The following MSL3 variants were observed in gnomAD, a reference collection of about 807,000 sequenced individuals.
MSL3 encodes the protein MSL complex subunit 3.
In MSL3, 5 loss-of-function variants were observed where a neutral mutation model predicts 37.2. The observed-to-expected ratio is 0.13, with a 90% CI of 0.07 to 0.28. MSL3 has a LOEUF of 0.28. Ranked by LOEUF, MSL3 falls within the 10% of genes least tolerant of loss-of-function variation. The pLI is 1.00. For missense variants in MSL3, 315 were observed against 408.5 expected, an observed-to-expected ratio of 0.77 and a Z score of 1.97; for synonymous variants, 149 against 147.6, an observed-to-expected ratio of 1.01 and a Z score of -0.07.
intron 4 of MSL3, 24 bp downstream of exon 4, chrX:11,760,961 T>A: frequency 1.1e-5 from 12 of 1,093,959 alleles, no homozygotes; most frequent in Non-Finnish European, 1.4e-5. Flanking sequence ...CTTCATTTCT[T>A]TTGGCTGAAA....
chrX:11,766,093 A>C, intron 9 of MSL3: 1 of 905,303 alleles, frequency 1.1e-6, no homozygotes, highest in Non-Finnish European at 1.4e-6. Flanking sequence ...TTTTCTTTGT[A>C]CTCTGTCTCT....
At chrX:11,768,776 T>C (rs996221980) in intron 10 of MSL3, 94 bp downstream of exon 10, 2 of 578,396 alleles carry the variant, frequency 3.5e-6, no homozygotes, top group Non-Finnish European at 5.9e-6. Flanking sequence ...AGCATCATGT[T>C]GCTGCTATTA....
intron 9 of MSL3, chrX:11,766,656 C>T (rs1235928138): frequency 1.1e-5 from 8 of 753,114 alleles, no homozygotes; most frequent in African/African-American, 2.3e-5. Context: ...TGGTGCCTCG[C>T]GGGCTCAGTG....
intron 1 of MSL3, 34 bp downstream of exon 1, chrX:11,758,399 G>T (rs766981841): frequency 8.7e-6 from 9 of 1,029,620 alleles, no homozygotes; most frequent in Non-Finnish European, 1.0e-5. Context: ...GGAGGCGCGG[G>T]CTGGGGGACC....
At chrX:11,760,576 G>A (rs1333605991) in intron 3 of MSL3, 78 bp downstream of exon 3, 3 of 652,269 alleles carry the variant, frequency 4.6e-6, no homozygotes, top group African/African-American at 2.3e-5. Flanking sequence ...TGATATAAAA[G>A]TAATACAATG....
intron 9 of MSL3, 125 bp from the exon 10 acceptor site, chrX:11,768,446 GTC>G: frequency 2.2e-6 from 1 of 458,455 alleles, no homozygotes; most frequent in Admixed American, 4.0e-5. Flanking sequence ...TGTTAGGAAA[GTC>G]TTATCGTTAA....
At chrX:11,765,355 G>A (rs1367233324) in intron 8 of MSL3, 112 bp from the exon 9 acceptor site, 4 of 930,542 alleles carry the variant, frequency 4.3e-6, no homozygotes, top group Middle Eastern at 4.1e-4. Flanking sequence ...AAGTGACTTC[G>A]GTACATATTT....
chrX:11,762,952 T>C lies in MSL3; in HGVS notation c.704T>C (p.Met235Thr), dbSNP rs1275386357. ...GAGAGGCCTCGTCACCATCACGTTA[T>C]GCCACATGCCAACATGAACGTGCAT... Reference protein sequence around the residue: ...ANERPRHHHVMPHANMNVHYI... With the variant: ...ANERPRHHHVTPHANMNVHYI... The change falls in exon 7 of 13, where the codon ATG (methionine) becomes ACG (threonine). Residue 235 changes from methionine (M) to threonine (T), a missense_variant. Transcript: ENST00000312196. 5.8e-6 allele frequency: 7 copies of C among 1,208,134 alleles called. No homozygotes were observed. The highest frequency in any genetic ancestry group is 6.7e-6 in the Non-Finnish European group (6 of 894,522).
Position 11,760,765 on chromosome X carries a change from A to T in MSL3, c.282-72A>T, listed in dbSNP as rs756564561. 1.1e-4 allele frequency: 88 copies of T among 819,679 alleles called. 1 individual carries two copies. Among genetic ancestry groups the T allele is most frequent in the Non-Finnish European group, 1.5e-4 (86 of 582,455 alleles). The allele number at this position is 819,679 out of a possible 1,213,427, so 67.6% of individuals were successfully genotyped here. The stretch of plus-strand genomic sequence containing the variant: ...TCAAATGTATTTCATTGTTTATTAT[A>T]TCTTGTTTTGATCTCAAGACTCACG... On this transcript the variant is annotated intron_variant, in intron 3 of 12. Coordinates refer to ENST00000312196, the MANE Select transcript of MSL3 (RefSeq NM_078629.4).
intron 6 of MSL3, 21 bp downstream of exon 6, chrX:11,762,273 A>C: frequency 5.3e-6 from 6 of 1,133,623 alleles, no homozygotes; most frequent in Non-Finnish European, 7.0e-6. Flanking sequence ...AGAATGTATA[A>C]AACATTAATT....
chrX:11,767,012 TG>T (rs2053190198), intron 9 of MSL3: 1 of 752,869 alleles, frequency 1.3e-6, no homozygotes, highest in African/African-American at 2.3e-5. Flanking sequence ...ATCATCCTGT[TG>T]GAACTCCCAA....
chrX:11,760,393 G>A lies in MSL3; in HGVS notation c.186-10G>A, dbSNP rs774796376. 2.6e-5 allele frequency: 30 copies of A among 1,173,388 alleles called. No individual in the cohort carries two copies. The highest frequency in any genetic ancestry group is 5.4e-5 in the African/African-American group (3 of 55,829). Reference sequence around the variant, plus strand: ...CTAAAGTACTGAATTTTCCTTTTTTGTTCAATTAGCTGGGATAGATGGGCA... The same window carrying A: ...CTAAAGTACTGAATTTTCCTTTTTTATTCAATTAGCTGGGATAGATGGGCA... On this transcript the variant is annotated splice_polypyrimidine_tract_variant and intron_variant, in intron 2 of 12. Coordinates refer to ENST00000312196, the MANE Select transcript of MSL3 (RefSeq NM_078629.4).
intron 9 of MSL3, 166 bp downstream of exon 9, chrX:11,765,895 G>A: frequency 1.8e-6 from 2 of 1,111,948 alleles, no homozygotes; most frequent in Admixed American, 6.1e-5. Context: ...GTAGAAAGTT[G>A]AAACACCTGG....
At chrX:11,761,780 C>T (rs767802139) in intron 5 of MSL3, among the ~76,000 whole-genome samples, 198 bp downstream of exon 5, 18 of 111,609 alleles carry the variant, frequency 1.6e-4, no homozygotes, top group African/African-American at 9.8e-5. Context: ...CTCTTTATGC[C>T]CCTAAAATGT....
intron 10 of MSL3, among the ~76,000 whole-genome samples, chrX:11,769,921 T>A (rs1191917017): frequency 1.8e-5 from 2 of 112,476 alleles, no homozygotes; most frequent in Non-Finnish European, 3.8e-5. Flanking sequence ...AAAGAGCACT[T>A]GATGATGGGA....
Position 11,775,347 on chromosome X carries a change from C to A in MSL3, c.*268C>A. On this transcript the variant is annotated 3_prime_UTR_variant, in exon 13 of 13. Coordinates refer to ENST00000312196, the MANE Select transcript of MSL3 (RefSeq NM_078629.4). ...GCAACTATGTTCACAGTGAAATATTCGTGGAATAGGTTAGGCCATTTCAGT... is the reference window on the plus strand; with the variant it reads ...GCAACTATGTTCACAGTGAAATATTAGTGGAATAGGTTAGGCCATTTCAGT... 3.4e-6 allele frequency: 1 copy of A among 293,358 alleles called. No homozygotes were observed. The highest frequency in any genetic ancestry group is 8.9e-5 in the South Asian group (1 of 11,240). 24.2% of individuals were successfully genotyped at this position (293,358 alleles called of 1,213,427 possible). A position where few individuals can be genotyped will look rare whatever the true frequency, so the allele number is the denominator to read the frequency against.
chrX:11,763,937 A>G lies in MSL3; in HGVS notation c.907A>G (p.Arg303Gly). The G allele has an allele frequency of 8.3e-7, 1 of 1,204,192 alleles. No homozygotes were observed. Among genetic ancestry groups the G allele is most frequent in the South Asian group, 1.8e-5 (1 of 55,730 alleles). Residue 303 changes from arginine to glycine, a missense_variant and splice_region_variant, in exon 8 of 13, where the codon AGG (arginine) becomes GGG (glycine). Arg to Gly is a moderately radical substitution (Grantham distance 125). Coordinates refer to ENST00000312196, the MANE Select transcript of MSL3 (RefSeq NM_078629.4). ...PIKESATSTN[R>G]SQEELSPSPP... ...TAAGGAAAGTGCCACAAGCACTAACAGGTAAGTTATATAGCCTGCACTTTC... is the reference window on the plus strand; with the variant it reads ...TAAGGAAAGTGCCACAAGCACTAACGGGTAAGTTATATAGCCTGCACTTTC...
chrX:11,765,811 G>T (rs1480397710), intron 9 of MSL3, 82 bp downstream of exon 9: 5 of 1,172,734 alleles, frequency 4.3e-6, no homozygotes, highest in Non-Finnish European at 5.7e-6. Context: ...TGGTGCTGAG[G>T]TTACATGTGT....
At chrX:11,766,065 G>A (rs2053180185) in intron 9 of MSL3, 6 of 937,509 alleles carry the variant, frequency 6.4e-6, no homozygotes, top group African/African-American at 2.0e-5. Flanking sequence ...CAATGCTAAT[G>A]GGTTGTTTAG....
Sources: allele counts gnomAD v4.1 joint callset (sites outside exome capture counted in the v4.1 genomes callset), GRCh38; gene constraint gnomAD v4.1.1; transcripts MANE v1.5; gene names NCBI Gene and HGNC (gene_info 2026-07-23, HGNC 2026-07-21).